NECAP2: variants seen among roughly 807,000 people sequenced by gnomAD.
The protein encoded by NECAP2 is adaptin ear-binding coat-associated protein 2.
NECAP2 carries 38 observed loss-of-function variants against 37.8 expected under a neutral mutation model. The ratio of observed to expected loss-of-function variants is 1.01; its 90% CI spans 0.78 to 1.32. NECAP2 has a LOEUF of 1.32. NECAP2 is among the 40% of genes most tolerant of loss of function. The pLI is 0.00. For missense variants in NECAP2, 316 were observed against 334.5 expected, an observed-to-expected ratio of 0.94 and a Z score of 0.43; for synonymous variants, 121 against 127.7, an observed-to-expected ratio of 0.95 and a Z score of 0.35.
rs539590044 is a variant in NECAP2 at position 16,459,246 on chromosome 1, T to A, written c.*356T>A. The A allele has an allele frequency of 2.9e-5, 9 of 308,692 alleles. 1 individual carries two copies. In the South Asian group the frequency reaches 3.2e-4, roughly 11 times the overall value. 19.1% of individuals were successfully genotyped at this position (308,692 alleles called of 1,614,324 possible). A position where few individuals can be genotyped will look rare whatever the true frequency, so the allele number is the denominator to read the frequency against. On this transcript the variant is annotated 3_prime_UTR_variant, in exon 8 of 8. Coordinates refer to ENST00000337132, the MANE Select transcript of NECAP2 (RefSeq NM_018090.5). ...AAGAGGTTGAGTTTGCTGCCAGGAT[T>A]CAGATCAGCCCTTCCCAGGGTCTGC... is the stretch of plus-strand genomic sequence containing the variant.
At chr1:16,440,908 C>A (rs905488079) in intron 1 of NECAP2, 55 bp downstream of exon 1, 4 of 1,471,146 alleles carry the variant, frequency 2.7e-6, no homozygotes, top group Non-Finnish European at 3.8e-6. Context: ...TCTCCGCCAC[C>A]CGGACACACC....
chr1:16,448,279 C>T, intron 4 of NECAP2, 138 bp downstream of exon 4: 4 of 790,968 alleles, frequency 5.1e-6, no homozygotes, highest in Non-Finnish European at 8.8e-6. Flanking sequence ...GGACAAGCCA[C>T]CTCTCTTCTC....
intron 2 of NECAP2, among the ~76,000 whole-genome samples, chr1:16,447,224 A>T (rs1457250692): frequency 1.3e-5 from 2 of 152,166 alleles, no homozygotes. Flanking sequence ...CATGGGAAAA[A>T]CTGATGCCAG....
At chr1:16,446,100 C>T (rs545035910) in intron 2 of NECAP2, among the ~76,000 whole-genome samples, 23 of 151,880 alleles carry the variant, frequency 1.5e-4, no homozygotes, top group Middle Eastern at 3.4e-3. Context: ...CCCGGCTATT[C>T]GGGAGGTTGA....
chr1:16,447,937 C>T lies in NECAP2; in HGVS notation c.261C>T (p.Ser87=), dbSNP rs2086786898. Residue 87 remains serine (S), a synonymous_variant, in exon 3 of 8, where the codon TCC becomes TCT. Coordinates refer to ENST00000337132, the MANE Select transcript of NECAP2 (RefSeq NM_018090.5). ...PGTAVESVTD[S]SRYFVIRIED... ...CAGCTGTGGAGAGTGTGACGGATTC[C>T]AGCAGGTACTTCGTGATCCGCATCG... The T allele has an allele frequency of 1.2e-6, 2 of 1,614,014 alleles. No homozygotes were observed.
intron 6 of NECAP2, among the ~76,000 whole-genome samples, chr1:16,454,789 A>G (rs2086894437): frequency 6.6e-6 from 1 of 152,246 alleles, no homozygotes; most frequent in Non-Finnish European, 1.5e-5. Flanking sequence ...AGCACTTAGA[A>G]CAATTTTTGG....
chr1:16,456,737 T>A (rs944908891), intron 7 of NECAP2, among the ~76,000 whole-genome samples: 2 of 152,186 alleles, frequency 1.3e-5, no homozygotes, highest in African/African-American at 4.8e-5. Flanking sequence ...CATTTTCTTT[T>A]TCTTTTCATG....
intron 1 of NECAP2, 140 bp from the exon 2 acceptor site, chr1:16,443,491 GC>G: frequency 1.5e-6 from 1 of 670,608 alleles, no homozygotes; most frequent in Middle Eastern, 2.9e-4. Flanking sequence ...GGCCTGTAGA[GC>G]CAAAGATATT....
intron 1 of NECAP2, among the ~76,000 whole-genome samples, chr1:16,442,652 C>T (rs1409937186): frequency 6.6e-6 from 1 of 152,180 alleles, no homozygotes; most frequent in Non-Finnish European, 1.5e-5. Context: ...AAACAGCTGG[C>T]TGTGGTGGCT....
In NECAP2 at chr1:16,459,014, T is replaced by C. The variant is rs919962225; in HGVS notation, c.*124T>C. 8.9e-6 allele frequency: 14 copies of C among 1,564,648 alleles called. No homozygotes were observed. In the Admixed American group the frequency reaches 2.6e-4, roughly 29 times the overall value. On this transcript the variant is annotated 3_prime_UTR_variant, in exon 8 of 8. Coordinates refer to ENST00000337132, the MANE Select transcript of NECAP2 (RefSeq NM_018090.5). ...GGGCATGAATCTCTCCTCTCCTCCT[T>C]GTCTGGCTCTGTTGACAAACCGGGC...
chr1:16,449,111 T>G lies in NECAP2; in HGVS notation c.399T>G (p.Cys133Trp). The change falls in exon 5 of 8, where the codon TGT becomes TGG. Residue 133 changes from cysteine (C) to tryptophan (W), a missense_variant. Cys to Trp is a radical substitution (Grantham distance 215). Coordinates refer to ENST00000337132, the MANE Select transcript of NECAP2 (RefSeq NM_018090.5). ...TCCCCAGGTGGGTGAAACAGCAGTG[T>G]GAATTTGCAAAACAAGCCCAGAACC... Reference protein sequence around the residue: ...QDHFKWVKQQCEFAKQAQNPD... With the variant: ...QDHFKWVKQQWEFAKQAQNPD... The G allele has an allele frequency of 6.2e-7, 1 of 1,612,950 alleles. No homozygotes were observed. Among genetic ancestry groups the G allele is most frequent in the Non-Finnish European group, 8.5e-7 (1 of 1,179,524 alleles).
chr1:16,442,038 G>A (rs1012062489), intron 1 of NECAP2, among the ~76,000 whole-genome samples: 12 of 150,888 alleles, frequency 8.0e-5, no homozygotes, highest in African/African-American at 2.9e-4. Flanking sequence ...GAGTGCAATG[G>A]TGCGATCTCG....
In NECAP2 at chr1:16,459,934, A is replaced by C. The variant is rs1433010387; in HGVS notation, c.*1044A>C. ...GTTTACTGGTTTATAAGAAATCTGA[A>C]AGCACCTCTGACATTCCTTTTATTA... On this transcript the variant is annotated 3_prime_UTR_variant, in exon 8 of 8. Transcript: ENST00000337132. 1 of 152,206 alleles carries C rather than the reference A, an allele frequency of 6.6e-6. No homozygotes were observed. Among genetic ancestry groups the C allele is most frequent in the Non-Finnish European group, 1.5e-5 (1 of 68,030 alleles). 9.4% of individuals were successfully genotyped at this position (152,206 alleles called of 1,614,324 possible). A position where few individuals can be genotyped will look rare whatever the true frequency, so the allele number is the denominator to read the frequency against.
At chr1:16,450,125 T>C (rs2086819519) in intron 5 of NECAP2, 1 of 446,876 alleles carries the variant, frequency 2.2e-6, no homozygotes. Flanking sequence ...ATCCTTGAAG[T>C]TGGCCAGCTG....
At chr1:16,457,107 G>C (rs1361497039) in intron 7 of NECAP2, among the ~76,000 whole-genome samples, 1 of 152,214 alleles carries the variant, frequency 6.6e-6, no homozygotes, top group Non-Finnish European at 1.5e-5. Context: ...AGCAGCCACA[G>C]ACAATATGTA....
chr1:16,453,266 C>T (rs2086872781), intron 6 of NECAP2, among the ~76,000 whole-genome samples: 1 of 151,674 alleles, frequency 6.6e-6, no homozygotes, highest in Non-Finnish European at 1.5e-5. Flanking sequence ...TGTGCCTCCA[C>T]ACCCAGCTAA....
chr1:16,446,440 T>G (rs2086763776), intron 2 of NECAP2, among the ~76,000 whole-genome samples: 1 of 152,126 alleles, frequency 6.6e-6, no homozygotes. Context: ...GTGCCTGTAT[T>G]CCCAGCTACG....
intron 1 of NECAP2, chr1:16,441,325 T>A (rs1276633389): frequency 6.2e-6 from 1 of 162,372 alleles, no homozygotes; most frequent in Non-Finnish European, 1.4e-5. Context: ...AGGGACCCCT[T>A]CCTACCCAGA....
At chr1:16,454,056 A>G (rs2086883559) in intron 6 of NECAP2, among the ~76,000 whole-genome samples, 1 of 152,018 alleles carries the variant, frequency 6.6e-6, no homozygotes, top group South Asian at 2.1e-4. Flanking sequence ...TTATTTATTT[A>G]TTTTTATTTT....
Sources: allele counts gnomAD v4.1 joint callset (sites outside exome capture counted in the v4.1 genomes callset), GRCh38; gene constraint gnomAD v4.1.1; transcripts MANE v1.5; gene names NCBI Gene and HGNC (gene_info 2026-07-23, HGNC 2026-07-21).